The following KCNQ1 variants were observed in gnomAD, a reference collection of about 807,000 sequenced individuals.
KCNQ1 encodes the protein potassium voltage-gated channel subfamily KQT member 1.
A neutral mutation model predicts 72.4 loss-of-function variants in KCNQ1; 49 were observed. That is an observed-to-expected ratio of 0.68 (90% CI 0.54 to 0.86). KCNQ1 has a LOEUF of 0.86. KCNQ1 is among the 40% of genes least tolerant of loss of function. The pLI is 0.00. For missense variants in KCNQ1, 790 were observed against 945.1 expected, an observed-to-expected ratio of 0.84 and a Z score of 2.15; for synonymous variants, 450 against 412.6, an observed-to-expected ratio of 1.09 and a Z score of -1.10.
At chr11:2,615,966 C>T (rs1244582246) in intron 10 of KCNQ1, 7 of 397,934 alleles carry the variant, frequency 1.8e-5, no homozygotes, top group Non-Finnish European at 3.1e-5. Context: ...TGGTATAATT[C>T]AACAGTGACG....
intron 15 of KCNQ1, among the ~76,000 whole-genome samples, chr11:2,795,280 G>A (rs532396990): frequency 6.6e-6 from 1 of 152,388 alleles, no homozygotes; most frequent in Admixed American, 6.5e-5. Flanking sequence ...AGTCCCTGCT[G>A]CTGCCAGACC....
chr11:2,820,124 G>A (rs1045994696), intron 15 of KCNQ1, among the ~76,000 whole-genome samples: 1 of 151,872 alleles, frequency 6.6e-6, no homozygotes, highest in Admixed American at 6.6e-5. Flanking sequence ...CTTTGTATTT[G>A]TTTTGGTGTT....
rs1192424479 is a variant in KCNQ1, at chr11:2,626,843, A to T, written c.1394-35118A>T. 1 of 398,580 alleles carries T rather than the reference A, an allele frequency of 2.5e-6. No individual in the cohort carries two copies. The highest frequency in any genetic ancestry group is 4.4e-6 in the Non-Finnish European group (1 of 226,048). The allele number at this position is 398,580 out of a possible 1,614,324, so 24.7% of individuals were successfully genotyped here. A position where few individuals can be genotyped will look rare whatever the true frequency, so the allele number is the denominator to read the frequency against. On this transcript the variant is annotated intron_variant, in intron 10 of 15. Coordinates refer to ENST00000155840, the MANE Select transcript of KCNQ1 (RefSeq NM_000218.3). The surrounding 1 kb of genome is among the most constrained non-coding windows in gnomAD (Gnocchi z 4.0). ...GTACCTGGCCTGTAGTAAGTTTTCAAATCAGAAAGTGTGAGTCCTCCAATG... is the reference window on the plus strand; with the variant it reads ...GTACCTGGCCTGTAGTAAGTTTTCATATCAGAAAGTGTGAGTCCTCCAATG...
intron 10 of KCNQ1, chr11:2,609,706 G>A (rs1044388342): frequency 1.1e-4 from 43 of 398,104 alleles, no homozygotes; most frequent in Non-Finnish European, 4.4e-5. Context: ...GTTCTCTATT[G>A]TTAGGTGAAT....
At chr11:2,490,424 G>T (rs1846816278) in intron 1 of KCNQ1, among the ~76,000 whole-genome samples, 1 of 152,234 alleles carries the variant, frequency 6.6e-6, no homozygotes, top group East Asian at 1.9e-4. Flanking sequence ...GGGGCTTTGA[G>T]TGAACATAGG....
chr11:2,816,971 G>T lies in KCNQ1; in HGVS notation c.1795-30796G>T, dbSNP rs1029700707. Reference sequence around the variant, plus strand: ...TCTGGAGGTCCCCTCCAAAACCTTGGTCCCTGTCCGCAGAGGGTGTCAGGG... The same window carrying T: ...TCTGGAGGTCCCCTCCAAAACCTTGTTCCCTGTCCGCAGAGGGTGTCAGGG... On this transcript the variant is annotated intron_variant, in intron 15 of 15. Coordinates refer to ENST00000155840, the MANE Select transcript of KCNQ1 (RefSeq NM_000218.3). The surrounding 1 kb of genome is among the most constrained non-coding windows in gnomAD (Gnocchi z 6.8). Among the ~76,000 whole-genome samples, 2 of 152,060 alleles carry T rather than the reference G, an allele frequency of 1.3e-5. No homozygotes were observed. Among genetic ancestry groups the T allele is most frequent in the African/African-American group, 4.8e-5 (2 of 41,412 alleles).
rs955854550 is a variant in KCNQ1 at position 2,627,808 on chromosome 11, T to G, written c.1394-34153T>G. The G allele has an allele frequency of 5.0e-6, 2 of 398,320 alleles. No homozygotes were observed. The highest frequency in any genetic ancestry group is 2.1e-5 in the African/African-American group (1 of 48,624). 24.7% of individuals were successfully genotyped at this position (398,320 alleles called of 1,614,324 possible). On this transcript the variant is annotated intron_variant, in intron 10 of 15. Coordinates refer to ENST00000155840, the MANE Select transcript of KCNQ1 (RefSeq NM_000218.3). The surrounding 1 kb of genome is among the most constrained non-coding windows in gnomAD (Gnocchi z 4.9). ...ATCTGTCATCCAGGCAGGAGTACAG[T>G]GGCACAATCACAGTTCACTGTAGCC... is the stretch of plus-strand genomic sequence containing the variant.
In KCNQ1 at chr11:2,617,424, A is replaced by G; in HGVS notation, c.1393+28570A>G. ...AGGATCTCCTTTTTTAATGCGGAAT[A>G]ATATTCCATTGTAGACATACACACC... On this transcript the variant is annotated intron_variant, in intron 10 of 15. Transcript: ENST00000155840. The surrounding 1 kb of genome is among the most constrained non-coding windows in gnomAD (Gnocchi z 4.6). 1 of 398,472 alleles carries G rather than the reference A, an allele frequency of 2.5e-6. No homozygotes were observed. The highest frequency in any genetic ancestry group is 4.4e-6 in the Non-Finnish European group (1 of 225,960). 24.7% of individuals were successfully genotyped at this position (398,472 alleles called of 1,614,324 possible).
intron 15 of KCNQ1, among the ~76,000 whole-genome samples, chr11:2,846,746 C>T (rs72847587): frequency 0.042 from 6,473 of 152,394 alleles, 268 homozygotes; most frequent in Admixed American, 0.097. Flanking sequence ...CATTCCCCAG[C>T]GGTGCTGTCC....
At chr11:2,558,717 T>C (rs1010129921) in intron 2 of KCNQ1, among the ~76,000 whole-genome samples, 2 of 152,096 alleles carry the variant, frequency 1.3e-5, no homozygotes, top group African/African-American at 4.8e-5. Flanking sequence ...TGTGTAACTC[T>C]AGTCGGCCCC....
In KCNQ1 at chr11:2,473,667, G is replaced by C. The variant is rs1275662426; in HGVS notation, c.386+28183G>C. ...ACTGGGCCTCAGTTGGCCTGGCCTGGCGCGGGGCTGCCAGCCAAGAGCCTT... is the reference window on the plus strand; with the variant it reads ...ACTGGGCCTCAGTTGGCCTGGCCTGCCGCGGGGCTGCCAGCCAAGAGCCTT... On this transcript the variant is annotated intron_variant, in intron 1 of 15. Coordinates refer to ENST00000155840, the MANE Select transcript of KCNQ1 (RefSeq NM_000218.3). The surrounding 1 kb of genome is among the most constrained non-coding windows in gnomAD (Gnocchi z 6.0). Among the ~76,000 whole-genome samples the C allele has an allele frequency of 6.6e-6, 1 of 152,240 alleles. No homozygotes were observed.
intron 11 of KCNQ1, chr11:2,699,550 G>C (rs993980937): frequency 3.2e-6 from 1 of 312,534 alleles, no homozygotes; most frequent in East Asian, 5.6e-5. Flanking sequence ...AGGGAGGACC[G>C]CGCGGAGGAG....
intron 15 of KCNQ1, among the ~76,000 whole-genome samples, chr11:2,797,401 C>T (rs1371950821): frequency 1.3e-5 from 2 of 152,224 alleles, no homozygotes; most frequent in Admixed American, 6.5e-5. Context: ...CTGAAGACAA[C>T]CTTTCCTTGG....
intron 11 of KCNQ1, chr11:2,675,331 G>C (rs573491591): frequency 2.5e-6 from 1 of 398,526 alleles, no homozygotes; most frequent in Non-Finnish European, 4.4e-6. Context: ...TGGGATCTAA[G>C]TCATATTTTT....
intron 2 of KCNQ1, among the ~76,000 whole-genome samples, chr11:2,528,349 C>T (rs940770049): frequency 3.9e-5 from 6 of 152,160 alleles, no homozygotes; most frequent in Admixed American, 1.3e-4. Flanking sequence ...AAGGCCTGCC[C>T]GAGCCTTCGT....
rs1850315247 is a variant in KCNQ1, at chr11:2,677,557, T to TAACATCTGAGG, written c.1514+15476_1514+15477insAACATCTGAGG. On this transcript the variant is annotated intron_variant, in intron 11 of 15. Transcript: ENST00000155840. The surrounding 1 kb of genome is among the most constrained non-coding windows in gnomAD (Gnocchi z 4.5). ...CAAGTATAAAAGATGCCCTCAGATG[T>TAACATCTGAGG]TACCATATAATGCTTTACAAAAGAC... 7.5e-6 allele frequency: 3 copies of TAACATCTGAGG among 398,618 alleles called. No individual in the cohort carries two copies. The South Asian group carries it at 3.8e-4, about 51-fold the overall frequency. The allele number at this position is 398,618 out of a possible 1,614,324, so 24.7% of individuals were successfully genotyped here.
Position 2,652,179 on chromosome 11 carries a change from G to A in KCNQ1, c.1394-9782G>A, listed in dbSNP as rs1408988718. The A allele has an allele frequency of 7.5e-6, 3 of 398,558 alleles. No homozygotes were observed. The highest frequency in any genetic ancestry group is 4.1e-5 in the African/African-American group (2 of 48,634). 24.7% of individuals were successfully genotyped at this position (398,558 alleles called of 1,614,324 possible). A position where few individuals can be genotyped will look rare whatever the true frequency, so the allele number is the denominator to read the frequency against. ...CTCGGGGCCTGGGGGTGGGGCCCCA[G>A]CAGATGTCTGGATTTGGTAGCCAGG... On this transcript the variant is annotated intron_variant, in intron 10 of 15. Coordinates refer to ENST00000155840, the MANE Select transcript of KCNQ1 (RefSeq NM_000218.3). The surrounding 1 kb of genome is among the most constrained non-coding windows in gnomAD (Gnocchi z 5.9).
chr11:2,573,308 CCATCGTCCTAGGTTGCCCA>C (rs995593503), intron 6 of KCNQ1, among the ~76,000 whole-genome samples: 1 of 152,176 alleles, frequency 6.6e-6, no homozygotes, highest in Non-Finnish European at 1.5e-5. Flanking sequence ...CTGCCTCCCG[CCATCGTCCTAGGTTGCCCA>C]TTCCCTGCCT....
intron 10 of KCNQ1, chr11:2,619,040 C>G: frequency 2.5e-6 from 1 of 398,468 alleles, no homozygotes; most frequent in Non-Finnish European, 4.4e-6. Flanking sequence ...TACAACTTTA[C>G]TGAACTCATT....
Sources: gnomAD v4.1 joint callset for allele counts (sites outside exome capture counted in the v4.1 genomes callset) on GRCh38, gnomAD v4.1.1 for gene constraint, Gnocchi (gnomAD v3.1) non-coding constraint, MANE v1.5 for transcripts, NCBI Gene and HGNC (gene_info 2026-07-23, HGNC 2026-07-21) for gene names.